Variants in HACL1 observed in about 807,000 individuals in gnomAD.
HACL1 encodes the protein 1600020H07Rik.
In HACL1, 64 loss-of-function variants were observed where a neutral mutation model predicts 74.2. That is an observed-to-expected ratio of 0.86 (90% confidence interval 0.70 to 1.06). The LOEUF (loss-of-function observed/expected upper bound fraction) is 1.06, where lower values mean the gene tolerates loss of function less well. Among genes scored for constraint, HACL1 ranks in the 50% least tolerant of loss-of-function variants. The pLI, the probability that HACL1 is intolerant of heterozygous loss-of-function variation, is 0.00. For synonymous variants in HACL1, 230 were observed against 238.8 expected (o/e 0.96, Z 0.34); for missense variants, 728 against 719.7 (o/e 1.01, Z -0.13).
In HACL1 at chr3:15,571,715, A is replaced by G; in HGVS notation, c.1048T>C (p.Trp350Arg). 1 of 1,521,688 alleles carries G rather than the reference A, an allele frequency of 6.6e-7. No homozygotes were observed. The highest frequency in any genetic ancestry group is 2.4e-5 in the East Asian group (1 of 41,354). The allele number at this position is 1,521,688 out of a possible 1,614,324, so 94.3% of individuals were successfully genotyped here. A position where few individuals can be genotyped will look rare whatever the true frequency, so the allele number is the denominator to read the frequency against. Residue 350 changes from tryptophan to arginine, a missense_variant, in exon 12 of 17, where the codon TGG (tryptophan) becomes CGG (arginine). Coordinates refer to ENST00000321169, the MANE Select transcript of HACL1 (RefSeq NM_012260.4). ...TTCATTTTTTCTCTCAGAGTTTTCC[A>G]CCACTTGCTCTCTGGAGGATACTGC... is the stretch of plus-strand genomic sequence containing the variant. ...PWQYPPESKW[W>R]KTLREKMKSN... is the part of the protein sequence containing the mutation.
chr3:15,565,295 C>T (rs2063414721), intron 14 of HACL1, among the ~76,000 whole-genome samples: 1 of 152,142 alleles, frequency 6.6e-6, no homozygotes, highest in African/African-American at 2.4e-5. Context: ...CTATTTAATA[C>T]TCTCTAAAGT....
In HACL1 at chr3:15,601,295, A is replaced by G. The variant is rs563159278; in HGVS notation, c.81+88T>C. ...CTAAAAGGAAAACCCCCCGACCCCC[A>G]TCGCCCATTTCTACTCGTCTCCAAG... On this transcript the variant is annotated intron_variant, in intron 1 of 16. Coordinates refer to ENST00000321169, the MANE Select transcript of HACL1 (RefSeq NM_012260.4). The G allele has an allele frequency of 2.7e-5, 42 of 1,581,302 alleles. No homozygotes were observed. In the South Asian group the frequency reaches 4.3e-4, roughly 16 times the overall value.
intron 3 of HACL1, among the ~76,000 whole-genome samples, chr3:15,594,088 C>T (rs74664903): frequency 0.03 from 4,604 of 152,194 alleles, 233 homozygotes; most frequent in African/African-American, 0.1. Flanking sequence ...CATGAGCCAC[C>T]GCGCCTGGTC....
intron 14 of HACL1, among the ~76,000 whole-genome samples, chr3:15,565,409 C>T (rs80016661): frequency 0.024 from 3,721 of 152,282 alleles, 244 homozygotes; most frequent in East Asian, 0.13. Flanking sequence ...GGAAGATACA[C>T]AAGTAACTAG....
In HACL1 at chr3:15,601,534, A is replaced by T. The variant is rs761561132; in HGVS notation, c.-71T>A. On this transcript the variant is annotated 5_prime_UTR_variant, in exon 1 of 17. Transcript: ENST00000321169. ...GGAATCATCCAGCAAGGCAAACGCGAAATCGGCAGCACGCCACCTCTGGTA... is the reference window on the plus strand; with the variant it reads ...GGAATCATCCAGCAAGGCAAACGCGTAATCGGCAGCACGCCACCTCTGGTA... 3.1e-6 allele frequency: 5 copies of T among 1,607,938 alleles called. No individual in the cohort carries two copies. In the South Asian group the frequency reaches 5.5e-5, roughly 18 times the overall value.
intron 2 of HACL1, among the ~76,000 whole-genome samples, chr3:15,597,130 C>A (rs185710439): frequency 2.6e-5 from 4 of 152,202 alleles, no homozygotes; most frequent in Admixed American, 1.3e-4. Context: ...TCATTCCTGA[C>A]ATTGGTAATC....
rs191038357 is a variant in HACL1, at chr3:15,569,561, C to A, written c.1096-975G>T. Among the ~76,000 whole-genome samples, 44 of 152,286 alleles carry A rather than the reference C, an allele frequency of 2.9e-4. No individual in the cohort carries two copies. In the East Asian group the frequency reaches 4.1e-3, roughly 14 times the overall value. ...AATTGGCTGGGTGCGGTGGCTCACG[C>A]CTGTAATCCCAGCACTTTGGGAGGC... is the stretch of plus-strand genomic sequence containing the variant. On this transcript the variant is annotated intron_variant, in intron 12 of 16. Transcript: ENST00000321169.
chr3:15,564,446 A>G (rs2063396971), intron 15 of HACL1, 105 bp downstream of exon 15: 2 of 643,930 alleles, frequency 3.1e-6, no homozygotes. Context: ...CGAAACGGAC[A>G]ATACTCATAC....
chr3:15,571,889 G>C (rs1049796320), intron 11 of HACL1, 120 bp from the exon 12 acceptor site: 2 of 533,090 alleles, frequency 3.8e-6, no homozygotes, highest in African/African-American at 4.5e-5. Context: ...ACCCAGGCTG[G>C]AGTGCAGTGG....
chr3:15,587,205 T>C (rs964243771), intron 5 of HACL1, among the ~76,000 whole-genome samples: 13 of 145,772 alleles, frequency 8.9e-5, no homozygotes, highest in Non-Finnish European at 1.5e-4. Flanking sequence ...CATGACAAAA[T>C]TAAGATCACC....
intron 3 of HACL1, among the ~76,000 whole-genome samples, chr3:15,593,125 A>G (rs998246894): frequency 2.2e-5 from 3 of 134,348 alleles, no homozygotes; most frequent in Admixed American, 7.3e-5. Flanking sequence ...ATACACACAC[A>G]TACGTATATA....
intron 2 of HACL1, 150 bp downstream of exon 2, chr3:15,600,940 G>GT: frequency 1.6e-6 from 1 of 640,024 alleles, no homozygotes; most frequent in South Asian, 1.8e-5. Context: ...TCAACTTGGT[G>GT]TAACAACAGT....
intron 4 of HACL1, among the ~76,000 whole-genome samples, chr3:15,591,252 T>C (rs1320656283): frequency 6.6e-6 from 1 of 152,198 alleles, no homozygotes; most frequent in African/African-American, 2.4e-5. Flanking sequence ...TTACTTTTTT[T>C]CCTAAGATAT....
chr3:15,578,794 T>C (rs1040237451), intron 9 of HACL1, among the ~76,000 whole-genome samples: 1 of 152,008 alleles, frequency 6.6e-6, no homozygotes, highest in African/African-American at 2.4e-5. Flanking sequence ...ATGGGGACAA[T>C]CCCCATTATT....
chr3:15,567,982 C>T lies in HACL1; in HGVS notation c.1271G>A (p.Gly424Glu), dbSNP rs758061010. The stretch of plus-strand genomic sequence containing the variant: ...AAATCCCAAACCAACTCCCATTGTT[C>T]CGAAAGTACCAGCATCAAGCCTGTT... ...PRHRLDAGTF[G>E]TMGVGLGFAI... The change falls in exon 14 of 17, where the codon GGA becomes GAA. Residue 424 changes from glycine (G) to glutamate (E), a missense_variant. Gly to Glu is a moderately conservative substitution (Grantham distance 98). Transcript: ENST00000321169. The T allele has an allele frequency of 2.5e-6, 4 of 1,614,008 alleles. No homozygotes were observed. Among genetic ancestry groups the T allele is most frequent in the Admixed American group, 1.7e-5 (1 of 59,994 alleles).
chr3:15,597,445 G>A (rs1264039639), intron 2 of HACL1, among the ~76,000 whole-genome samples: 1 of 152,100 alleles, frequency 6.6e-6, no homozygotes, highest in African/African-American at 2.4e-5. Context: ...ATGCACACAA[G>A]ATAACCTGGG....
At chr3:15,589,407 A>ACC in intron 5 of HACL1, 133 bp downstream of exon 5, 1 of 540,022 alleles carries the variant, frequency 1.9e-6, no homozygotes, top group Non-Finnish European at 3.4e-6. Flanking sequence ...TGAGGTGGGA[A>ACC]GATTGCTTGA....
intron 2 of HACL1, among the ~76,000 whole-genome samples, chr3:15,597,534 T>TTTTTTTTTTTTTTTTTTTTTTTTTTG (rs2064089459): frequency 6.6e-6 from 1 of 151,812 alleles, no homozygotes; most frequent in African/African-American, 2.4e-5. Context: ...CTCATTTCTT[T>TTTTTTTTTTTTTTTTTTTTTTTTTTG]AGAAATAATA....
At position 15,570,772 on chromosome 3, in the gene HACL1, A is replaced by C. The variant is rs749113840; in HGVS notation, c.1095+896T>G. ...AAAACCTTAGCTACCAGGCAAAGCC[A>C]AGAGTGCAAATGAGAGCGCTGCAAA... On this transcript the variant is annotated intron_variant, in intron 12 of 16. Coordinates refer to ENST00000321169, the MANE Select transcript of HACL1 (RefSeq NM_012260.4). Among the ~76,000 whole-genome samples the C allele has an allele frequency of 7.6e-4, 116 of 152,136 alleles. 1 individual carries two copies. The highest frequency in any genetic ancestry group is 1.4e-3 in the Non-Finnish European group (98 of 67,974).
Sources: gnomAD v4.1 joint callset for allele counts (sites outside exome capture counted in the v4.1 genomes callset) on GRCh38, gnomAD v4.1.1 for gene constraint, MANE v1.5 for transcripts, NCBI Gene and HGNC (gene_info 2026-07-23, HGNC 2026-07-21) for gene names.